Variants in UBE2R2 observed in about 807,000 individuals in gnomAD.
UBE2R2 encodes ubiquitin conjugating enzyme E2 R2, also known as ubiquitin-conjugating enzyme E2 R2.
Under a neutral mutation model 27.8 loss-of-function variants are expected in UBE2R2, and 1 was observed. The ratio of observed to expected loss-of-function variants is 0.04; its 90% CI spans 0.01 to 0.17. UBE2R2 has a LOEUF of 0.17. UBE2R2 is among the 10% of genes least tolerant of loss of function. UBE2R2 has a pLI of 1.00. For missense variants in UBE2R2, 100 were observed against 291.0 expected (o/e 0.34, Z 4.78); for synonymous variants, 106 against 113.3 (o/e 0.94, Z 0.41).
chr9:33,892,978 T>C (rs1192614690), intron 2 of UBE2R2, among the ~76,000 whole-genome samples: 2 of 152,150 alleles, frequency 1.3e-5, no homozygotes, highest in Non-Finnish European at 2.9e-5. Context: ...GTAAACAATT[T>C]GCAGGGAGAT....
At chr9:33,874,322 A>G (rs932686922) in intron 1 of UBE2R2, among the ~76,000 whole-genome samples, 19 of 152,274 alleles carry the variant, frequency 1.2e-4, no homozygotes, top group Admixed American at 5.9e-4. Context: ...CAAAGTAGGC[A>G]TAGACCATTG....
chr9:33,885,922 G>A (rs1445175017), intron 1 of UBE2R2, among the ~76,000 whole-genome samples: 2 of 152,142 alleles, frequency 1.3e-5, no homozygotes, highest in Non-Finnish European at 2.9e-5. Flanking sequence ...GCAAAGGTGT[G>A]AGAAACAACC....
chr9:33,821,757 C>T (rs550381449), intron 1 of UBE2R2, among the ~76,000 whole-genome samples: 4 of 149,888 alleles, frequency 2.7e-5, no homozygotes, highest in South Asian at 2.1e-4. Flanking sequence ...CTGGGATTAC[C>T]GGCGTGCGCC....
At chr9:33,898,146 C>T (rs1031352544) in intron 2 of UBE2R2, among the ~76,000 whole-genome samples, 8 of 151,838 alleles carry the variant, frequency 5.3e-5, no homozygotes, top group African/African-American at 1.5e-4. Flanking sequence ...AGTGCAGTGG[C>T]GTGATCTCAG....
intron 1 of UBE2R2, among the ~76,000 whole-genome samples, chr9:33,881,830 A>G (rs183776534): frequency 9.8e-5 from 15 of 152,292 alleles, no homozygotes; most frequent in East Asian, 5.8e-4. Flanking sequence ...AGATTTCTCT[A>G]CGGTAGAGCT....
intron 1 of UBE2R2, among the ~76,000 whole-genome samples, chr9:33,839,260 G>A (rs766623001): frequency 3.9e-5 from 6 of 152,022 alleles, no homozygotes; most frequent in Admixed American, 6.6e-5. Context: ...GTTTTGAGAC[G>A]GAGTTTCACT....
chr9:33,859,760 T>TTG (rs57089790), intron 1 of UBE2R2, among the ~76,000 whole-genome samples: 8,048 of 130,476 alleles, frequency 0.062, 269 homozygotes, highest in African/African-American at 0.077. Context: ...TCTAAGCCTT[T>TTG]TGTGTGTGTG....
At chr9:33,876,651 C>T (rs1478059089) in intron 1 of UBE2R2, among the ~76,000 whole-genome samples, 1 of 152,182 alleles carries the variant, frequency 6.6e-6, no homozygotes, top group African/African-American at 2.4e-5. Flanking sequence ...GGCGGTGGCT[C>T]ACGCCTGTAA....
intron 3 of UBE2R2, among the ~76,000 whole-genome samples, chr9:33,911,262 G>A (rs1822479066): frequency 6.6e-6 from 1 of 151,348 alleles, no homozygotes; most frequent in Non-Finnish European, 1.5e-5. Context: ...TACAAAATTA[G>A]CAGGGCATGG....
chr9:33,908,894 G>A (rs1393786563), intron 3 of UBE2R2, among the ~76,000 whole-genome samples: 1 of 152,154 alleles, frequency 6.6e-6, no homozygotes, highest in African/African-American at 2.4e-5. Context: ...TACTTGGGAG[G>A]ATGAGGCAGG....
At chr9:33,833,952 A>G (rs1820555097) in intron 1 of UBE2R2, among the ~76,000 whole-genome samples, 1 of 152,152 alleles carries the variant, frequency 6.6e-6, no homozygotes, top group South Asian at 2.1e-4. Context: ...AGATTCATCC[A>G]TGTTGTAGCA....
At chr9:33,852,165 A>G (rs540493347) in intron 1 of UBE2R2, among the ~76,000 whole-genome samples, 1 of 152,110 alleles carries the variant, frequency 6.6e-6, no homozygotes, top group Admixed American at 6.6e-5. Context: ...AAAAACATTA[A>G]CCAGGTGGGG....
intron 1 of UBE2R2, among the ~76,000 whole-genome samples, chr9:33,846,944 G>C (rs1410786608): frequency 2.0e-5 from 3 of 147,524 alleles, no homozygotes; most frequent in African/African-American, 7.5e-5. Context: ...GTGCAGATCT[G>C]CTGTCAACAA....
intron 1 of UBE2R2, among the ~76,000 whole-genome samples, chr9:33,858,406 A>G (rs1361448713): frequency 2.6e-5 from 4 of 152,092 alleles, no homozygotes; most frequent in African/African-American, 9.7e-5. Context: ...TCTATAATAG[A>G]GTATAGATGT....
intron 1 of UBE2R2, among the ~76,000 whole-genome samples, chr9:33,839,844 A>AT (rs1189675866): frequency 2.0e-5 from 3 of 152,086 alleles, no homozygotes; most frequent in Admixed American, 2.0e-4. Context: ...AAAAAATCTA[A>AT]TAAGTTAGCC....
At chr9:33,901,451 A>G (rs1307971758) in intron 3 of UBE2R2, among the ~76,000 whole-genome samples, 1 of 152,224 alleles carries the variant, frequency 6.6e-6, no homozygotes, top group Admixed American at 6.5e-5. Context: ...AGGAATATGC[A>G]TAGCCCACAA....
chr9:33,895,351 T>C (rs1452283615), intron 2 of UBE2R2, among the ~76,000 whole-genome samples: 1 of 152,214 alleles, frequency 6.6e-6, no homozygotes, highest in East Asian at 1.9e-4. Context: ...TCAAAATCAA[T>C]TGGCCATCAA....
intron 1 of UBE2R2, among the ~76,000 whole-genome samples, chr9:33,865,752 A>G (rs56172788): frequency 0.079 from 11,963 of 151,474 alleles, 675 homozygotes; most frequent in Non-Finnish European, 0.12. Flanking sequence ...TTTCTTTCAC[A>G]TGTAGTGTAG....
chr9:33,912,720 C>T (rs1822521021), intron 4 of UBE2R2, among the ~76,000 whole-genome samples: 1 of 151,984 alleles, frequency 6.6e-6, no homozygotes, highest in Non-Finnish European at 1.5e-5. Flanking sequence ...TTATCAGCAA[C>T]ACTAATGTAT....
Sources: gnomAD v4.1 joint callset for allele counts (sites outside exome capture counted in the v4.1 genomes callset) on GRCh38, gnomAD v4.1.1 for gene constraint, MANE v1.5 for transcripts, NCBI Gene and HGNC (gene_info 2026-07-23, HGNC 2026-07-21) for gene names.